The following KCTD8 variants were observed in gnomAD, a reference collection of about 807,000 sequenced individuals.
KCTD8 encodes BTB/POZ domain-containing protein KCTD8.
KCTD8 carries 27 observed loss-of-function variants against 31.5 expected under a neutral mutation model. That is an observed-to-expected ratio of 0.86 (90% CI 0.63 to 1.18). The LOEUF (loss-of-function observed/expected upper bound fraction) is 1.18. Among genes scored for constraint, KCTD8 ranks in the 50% most tolerant of loss-of-function variants. The pLI, the probability that KCTD8 is intolerant of heterozygous loss-of-function variation, is 0.00. For synonymous variants in KCTD8, 290 were observed against 280.0 expected (o/e 1.04, Z -0.36); for missense variants, 658 against 647.7 (o/e 1.02, Z -0.17).
intron 1 of KCTD8, among the ~76,000 whole-genome samples, chr4:44,358,820 C>T (rs567532557): frequency 2.0e-4 from 30 of 152,236 alleles, no homozygotes; most frequent in East Asian, 5.8e-4. Context: ...CCACCCGCCT[C>T]GGCCTCCCAA....
intron 1 of KCTD8, among the ~76,000 whole-genome samples, chr4:44,286,632 C>A (rs773950950): frequency 6.6e-6 from 1 of 152,012 alleles, no homozygotes; most frequent in Non-Finnish European, 1.5e-5. Context: ...ATAACAGATA[C>A]GTTTAAAGCT....
chr4:44,292,706 G>A (rs932728908), intron 1 of KCTD8, among the ~76,000 whole-genome samples: 1 of 152,028 alleles, frequency 6.6e-6, no homozygotes, highest in African/African-American at 2.4e-5. Context: ...TTACAACTAG[G>A]TATGTTGAGG....
intron 1 of KCTD8, chr4:44,293,394 T>A: frequency 2.2e-6 from 1 of 452,650 alleles, no homozygotes; most frequent in Non-Finnish European, 4.4e-6. Flanking sequence ...ATGGAGAGTA[T>A]TAACCTTACC....
intron 1 of KCTD8, among the ~76,000 whole-genome samples, chr4:44,246,406 TA>T (rs886127934): frequency 3.2e-4 from 49 of 152,160 alleles, no homozygotes; most frequent in African/African-American, 1.1e-3. Flanking sequence ...GTACGGTTTT[TA>T]ACCCACTGTT....
chr4:44,396,110 G>A (rs893402590), intron 1 of KCTD8, among the ~76,000 whole-genome samples: 1 of 152,142 alleles, frequency 6.6e-6, no homozygotes. Context: ...GGGGTGATGA[G>A]AGACAGTGAC....
chr4:44,426,379 A>G (rs940209247), intron 1 of KCTD8, among the ~76,000 whole-genome samples: 2 of 151,828 alleles, frequency 1.3e-5, no homozygotes, highest in Admixed American at 6.6e-5. Context: ...ATAGACTCTG[A>G]CAAACTAATC....
At chr4:44,288,105 C>CAAGCT (rs1220536410) in intron 1 of KCTD8, among the ~76,000 whole-genome samples, 1 of 152,096 alleles carries the variant, frequency 6.6e-6, no homozygotes, top group Non-Finnish European at 1.5e-5. Context: ...TTAGTATCTT[C>CAAGCT]AAGCTTGTGT....
chr4:44,292,553 T>G (rs1429670018), intron 1 of KCTD8, among the ~76,000 whole-genome samples: 1 of 152,112 alleles, frequency 6.6e-6, no homozygotes, highest in Non-Finnish European at 1.5e-5. Context: ...GGATCATCTG[T>G]ACCTCAAATC....
In KCTD8 at chr4:44,279,686, T is replaced by C. The variant is rs183088869; in HGVS notation, c.962-104436A>G. Among the ~76,000 whole-genome samples the C allele has an allele frequency of 2.0e-5, 3 of 152,150 alleles. No individual in the cohort carries two copies. The East Asian group carries it at 5.8e-4, about 29-fold the overall frequency. The stretch of plus-strand genomic sequence containing the variant: ...ACAGAATTCTGCCTACCAAAAGGAT[T>C]AGTGTGAGGATCAAGTAAGTAAACA... On this transcript the variant is annotated intron_variant, in intron 1 of 1. Coordinates refer to ENST00000360029, the MANE Select transcript of KCTD8 (RefSeq NM_198353.3).
intron 1 of KCTD8, among the ~76,000 whole-genome samples, chr4:44,269,272 A>G (rs571761295): frequency 1.3e-5 from 2 of 152,220 alleles, no homozygotes; most frequent in Admixed American, 1.3e-4. Context: ...CAAACCTGAG[A>G]AAAACAAGCA....
At chr4:44,250,952 A>G (rs1715813942) in intron 1 of KCTD8, among the ~76,000 whole-genome samples, 1 of 151,426 alleles carries the variant, frequency 6.6e-6, no homozygotes, top group South Asian at 2.1e-4. Context: ...CTTTTCCTTC[A>G]TGGCTGCGTT....
chr4:44,286,939 G>C (rs868751525), intron 1 of KCTD8, among the ~76,000 whole-genome samples: 2 of 152,238 alleles, frequency 1.3e-5, no homozygotes, highest in Middle Eastern at 3.4e-3. Flanking sequence ...GAAAGAAAGA[G>C]AAATTAATGT....
chr4:44,323,559 G>C (rs1424222360), intron 1 of KCTD8, among the ~76,000 whole-genome samples: 1 of 138,602 alleles, frequency 7.2e-6, no homozygotes, highest in African/African-American at 2.7e-5. Flanking sequence ...AATAGTTCAG[G>C]AAACGTATGA....
At chr4:44,340,675 T>A (rs1031599483) in intron 1 of KCTD8, among the ~76,000 whole-genome samples, 2 of 152,174 alleles carry the variant, frequency 1.3e-5, no homozygotes, top group East Asian at 1.9e-4. Flanking sequence ...GGAATACTAC[T>A]GAGCAATAAT....
At position 44,448,159 on chromosome 4, in the gene KCTD8, T is replaced by G. The variant is rs768530413; in HGVS notation, c.365A>C (p.Glu122Ala). The G allele has an allele frequency of 6.2e-7, 1 of 1,612,402 alleles. No homozygotes were observed. The highest frequency in any genetic ancestry group is 1.1e-5 in the South Asian group (1 of 91,046). The stretch of plus-strand genomic sequence containing the variant: ...CAGCCGCTCCTTCTCGGGGAAGTGC[T>G]CCGGCAGCGCGAGTTGCTTGTCCCG... ...YLRDKQLALP[E>A]HFPEKERLLR... Residue 122 changes from glutamate (E) to alanine (A), a missense_variant, in exon 1 of 2, where the codon GAG (glutamate) becomes GCG (alanine). Transcript: ENST00000360029. This position sits in a 1 kb window ranked among gnomAD's most constrained non-coding sequence, Gnocchi z 4.1.
At chr4:44,214,999 T>C (rs1321629078) in intron 1 of KCTD8, among the ~76,000 whole-genome samples, 3 of 152,174 alleles carry the variant, frequency 2.0e-5, no homozygotes, top group Non-Finnish European at 4.4e-5. Context: ...ATTAATAAAA[T>C]GGATCATCTA....
chr4:44,371,062 A>G (rs1719771142), intron 1 of KCTD8, among the ~76,000 whole-genome samples: 1 of 152,120 alleles, frequency 6.6e-6, no homozygotes, highest in Admixed American at 6.5e-5. Context: ...AGGGAGGCCA[A>G]TGGTGTAAAT....
chr4:44,281,620 A>G (rs562278803), intron 1 of KCTD8, among the ~76,000 whole-genome samples: 80 of 152,256 alleles, frequency 5.3e-4, no homozygotes, highest in Middle Eastern at 3.4e-3. Flanking sequence ...CGTTCCAACC[A>G]TAATGATGGA....
intron 1 of KCTD8, among the ~76,000 whole-genome samples, chr4:44,206,567 G>A (rs937960073): frequency 1.3e-5 from 2 of 152,200 alleles, no homozygotes; most frequent in Non-Finnish European, 2.9e-5. Flanking sequence ...GCTGCGTAAA[G>A]TGGTCCCTGG....
Sources: allele counts gnomAD v4.1 joint callset (sites outside exome capture counted in the v4.1 genomes callset), GRCh38; gene constraint gnomAD v4.1.1; non-coding constraint Gnocchi (gnomAD v3.1); transcripts MANE v1.5; gene names NCBI Gene and HGNC (gene_info 2026-07-23, HGNC 2026-07-21).